KAZN: variants seen among roughly 807,000 people sequenced by gnomAD.
The protein encoded by KAZN is kazrin.
KAZN carries 40 observed loss-of-function variants against 87.4 expected under a neutral mutation model. The observed-to-expected ratio is 0.46, with a 90% confidence interval of 0.36 to 0.60. The LOEUF is 0.60. Among genes scored for constraint, KAZN ranks in the 20% least tolerant of loss-of-function variants. The pLI, the probability that KAZN is intolerant of heterozygous loss-of-function variation, is 0.00. For synonymous variants in KAZN, 466 were observed against 458.3 expected, an observed-to-expected ratio of 1.02 and a Z score of -0.22; for missense variants, 898 against 1,073.9, an observed-to-expected ratio of 0.84 and a Z score of 2.29.
chr1:13,956,773 T>G (rs1472068673), intron 1 of KAZN, among the ~76,000 whole-genome samples: 1 of 152,102 alleles, frequency 6.6e-6, no homozygotes. Flanking sequence ...ACTTGAAGGA[T>G]GTATAGAGAA....
At chr1:14,362,356 C>T (rs755605905) in intron 2 of KAZN, among the ~76,000 whole-genome samples, 8 of 152,220 alleles carry the variant, frequency 5.3e-5, no homozygotes, top group Non-Finnish European at 1.2e-4. Flanking sequence ...ATAAGCAACT[C>T]ACAGTGTGGC....
chr1:14,841,354 C>G lies in KAZN; in HGVS notation c.227-119330C>G, dbSNP rs563239897. On this transcript the variant is annotated intron_variant, in intron 1 of 14. Transcript: ENST00000376030. ...CCGGGAGGCGGAGCTTGCAGTGAGC[C>G]GAGATCGCCCCACTGCACTCCAGCC... Among the ~76,000 whole-genome samples, 15 of 137,768 alleles carry G rather than the reference C, an allele frequency of 1.1e-4. No homozygotes were observed. The East Asian group carries it at 2.4e-3, about 22-fold the overall frequency. The allele number at this position is 137,768 out of a possible 152,430, so 90.4% of individuals were successfully genotyped here. A position where few individuals can be genotyped will look rare whatever the true frequency, so the allele number is the denominator to read the frequency against.
chr1:13,965,261 CA>C (rs1257732435), intron 1 of KAZN, among the ~76,000 whole-genome samples: 14 of 152,110 alleles, frequency 9.2e-5, no homozygotes, highest in Admixed American at 9.2e-4. Context: ...AGGGTCCAAG[CA>C]GGGGGACCTG....
intron 1 of KAZN, among the ~76,000 whole-genome samples, chr1:14,650,637 T>C (rs539172306): frequency 6.6e-6 from 1 of 152,284 alleles, no homozygotes; most frequent in East Asian, 1.9e-4. Context: ...AGATCTACTT[T>C]CAGTATCTTT....
intron 2 of KAZN, chr1:14,304,679 A>C (rs1373739517): frequency 2.5e-5 from 10 of 398,286 alleles, no homozygotes; most frequent in Non-Finnish European, 4.4e-6. Context: ...CTTCAAATGC[A>C]TTCCCAGGGG....
chr1:14,967,282 T>C (rs1331538206), intron 2 of KAZN, among the ~76,000 whole-genome samples: 1 of 152,160 alleles, frequency 6.6e-6, no homozygotes, highest in Admixed American at 6.5e-5. Flanking sequence ...TGGATGTGCC[T>C]ATGGTATCAC....
chr1:14,545,907 T>G (rs910088537), intron 2 of KAZN, among the ~76,000 whole-genome samples: 1 of 152,138 alleles, frequency 6.6e-6, no homozygotes, highest in Non-Finnish European at 1.5e-5. Flanking sequence ...ATAGCCCCAC[T>G]TAGCCCCACT....
intron 2 of KAZN, among the ~76,000 whole-genome samples, chr1:14,980,546 G>C (rs1425512755): frequency 2.0e-5 from 3 of 152,144 alleles, no homozygotes; most frequent in Non-Finnish European, 2.9e-5. Flanking sequence ...CTGTCCATCT[G>C]CACCCCGACT....
chr1:14,088,779 A>G (rs1262784836), intron 1 of KAZN, among the ~76,000 whole-genome samples: 1 of 151,916 alleles, frequency 6.6e-6, no homozygotes, highest in Non-Finnish European at 1.5e-5. Flanking sequence ...TTTTAGTTAT[A>G]TCATTTATTG....
rs146906227 is a variant in KAZN, at chr1:14,222,471, T to C, written c.249+41879T>C. On this transcript the variant is annotated intron_variant, in intron 2 of 16. Transcript: ENST00000636203. ...CCACTTTTTATAAAGGAGTCTATGT[T>C]TCTGCTTTTGTTCTGTGGTTGGAGA... Among the ~76,000 whole-genome samples, 16 of 152,318 alleles carry C rather than the reference T, an allele frequency of 1.1e-4. No individual in the cohort carries two copies. The East Asian group carries it at 3.1e-3, about 29-fold the overall frequency.
At chr1:13,934,005 A>G (rs1640627170) in intron 1 of KAZN, among the ~76,000 whole-genome samples, 3 of 152,244 alleles carry the variant, frequency 2.0e-5, no homozygotes, top group Admixed American at 1.3e-4. Flanking sequence ...AGTCAAGAAA[A>G]GAAAGACAAG....
At chr1:14,899,022 C>A (rs1240761422) in intron 1 of KAZN, among the ~76,000 whole-genome samples, 2 of 152,142 alleles carry the variant, frequency 1.3e-5, no homozygotes, top group African/African-American at 4.8e-5. Context: ...GATGCAGGTT[C>A]TAGTCCCATC....
At chr1:14,768,377 C>T (rs1028138523) in intron 1 of KAZN, among the ~76,000 whole-genome samples, 4 of 152,122 alleles carry the variant, frequency 2.6e-5, no homozygotes, top group Admixed American at 6.6e-5. Context: ...GTGATGTTGT[C>T]GGGGAAGGTA....
intron 2 of KAZN, among the ~76,000 whole-genome samples, chr1:14,997,897 C>T (rs1668058462): frequency 6.6e-6 from 1 of 152,218 alleles, no homozygotes; most frequent in African/African-American, 2.4e-5. Context: ...TCTCTCAGCT[C>T]CAGCTTCCAT....
chr1:14,715,544 A>C (rs1642747558), intron 1 of KAZN, among the ~76,000 whole-genome samples: 1 of 152,148 alleles, frequency 6.6e-6, no homozygotes, highest in African/African-American at 2.4e-5. Flanking sequence ...CTCCGAAAAC[A>C]GGCTGCGTGT....
intron 1 of KAZN, among the ~76,000 whole-genome samples, chr1:14,066,853 C>G (rs922365055): frequency 3.0e-4 from 45 of 152,328 alleles, no homozygotes; most frequent in African/African-American, 1.1e-3. Flanking sequence ...GAACCTGTAT[C>G]CATTAGCTCA....
intron 7 of KAZN, among the ~76,000 whole-genome samples, chr1:15,064,550 C>T (rs769500017): frequency 1.3e-5 from 2 of 152,240 alleles, no homozygotes; most frequent in East Asian, 1.9e-4. Flanking sequence ...GTAGACCTTA[C>T]CACCATCATC....
intron 1 of KAZN, among the ~76,000 whole-genome samples, chr1:14,862,179 G>A (rs776793233): frequency 3.9e-5 from 6 of 152,134 alleles, no homozygotes; most frequent in Non-Finnish European, 8.8e-5. Flanking sequence ...AGTGAGATTC[G>A]CACAGATCTC....
At position 14,252,724 on chromosome 1, in the gene KAZN, A is replaced by G. The variant is rs145700918; in HGVS notation, c.249+72132A>G. ...TATTAGCTCTAATAATGTTTGCTAT[A>G]TTATTAGTTAGGATAAGTGATGTTA... On this transcript the variant is annotated intron_variant, in intron 2 of 16. Coordinates refer to the KAZN transcript ENST00000636203. 5.8e-4 allele frequency among the ~76,000 whole-genome samples: 88 copies of G among 152,332 alleles called. No homozygotes were observed. In the East Asian group the frequency reaches 0.016, roughly 27 times the overall value.
Sources: gnomAD v4.1 joint callset for allele counts (sites outside exome capture counted in the v4.1 genomes callset) on GRCh38, gnomAD v4.1.1 for gene constraint, MANE v1.5 for transcripts, NCBI Gene and HGNC (gene_info 2026-07-23, HGNC 2026-07-21) for gene names.